Variants in PITPNC1 observed in about 807,000 individuals in gnomAD.
The protein encoded by PITPNC1 is phosphatidylinositol transfer protein cytoplasmic 1.
PITPNC1 carries 18 observed loss-of-function variants against 44.7 expected under a neutral mutation model. That is an observed-to-expected ratio of 0.40 (90% CI 0.28 to 0.60). The LOEUF (loss-of-function observed/expected upper bound fraction) is 0.60. Ranked by LOEUF, PITPNC1 falls within the 20% of genes least tolerant of loss-of-function variation. PITPNC1 has a pLI of 0.39. For missense variants in PITPNC1, 290 were observed against 418.4 expected (o/e 0.69, Z 2.68); for synonymous variants, 141 against 149.6 (o/e 0.94, Z 0.42).
intron 1 of PITPNC1, among the ~76,000 whole-genome samples, chr17:67,420,314 G>A (rs915265308): frequency 6.6e-6 from 1 of 151,514 alleles, no homozygotes; most frequent in African/African-American, 2.4e-5. Flanking sequence ...AATTCTTGGG[G>A]GTGTACAGAA....
At chr17:67,613,250 A>G (rs1029869117) in intron 5 of PITPNC1, 1 of 152,230 alleles carries the variant, frequency 6.6e-6, no homozygotes, top group African/African-American at 2.4e-5. Context: ...TTAAAGGACC[A>G]CAAAGGAAAA....
intron 1 of PITPNC1, among the ~76,000 whole-genome samples, chr17:67,440,374 TA>T (rs2038996038): frequency 6.6e-6 from 1 of 152,150 alleles, no homozygotes; most frequent in Admixed American, 6.5e-5. Context: ...CTAGTCCCTC[TA>T]AGCCTTCGTT....
rs531893282 is a variant in PITPNC1, at chr17:67,402,456, C to G, written c.48+24254C>G. Among the ~76,000 whole-genome samples the G allele has an allele frequency of 2.6e-4, 39 of 152,264 alleles. No individual in the cohort carries two copies. The South Asian group carries it at 8.1e-3, about 32-fold the overall frequency. The stretch of plus-strand genomic sequence containing the variant: ...AGAAGCCGCATCAAACTGCTGGCTG[C>G]TTCTGACAAGGTGGTCAGTTACACT... On this transcript the variant is annotated intron_variant, in intron 1 of 8. Coordinates refer to ENST00000581322, the MANE Select transcript of PITPNC1 (RefSeq NM_012417.4).
At chr17:67,463,968 C>T (rs890486751) in intron 1 of PITPNC1, among the ~76,000 whole-genome samples, 1 of 151,766 alleles carries the variant, frequency 6.6e-6, no homozygotes, top group Non-Finnish European at 1.5e-5. Context: ...CCAAGGTGGG[C>T]AGATCACTTG....
At chr17:67,469,308 C>T (rs7207177) in intron 1 of PITPNC1, among the ~76,000 whole-genome samples, 29,727 of 152,102 alleles carry the variant, frequency 0.2, 7,856 homozygotes, top group African/African-American at 0.6. Context: ...CCATCCTCCC[C>T]CTTCTCTGCA....
intron 1 of PITPNC1, among the ~76,000 whole-genome samples, chr17:67,516,446 A>T (rs550570032): frequency 6.6e-6 from 1 of 152,356 alleles, no homozygotes; most frequent in Admixed American, 6.5e-5. Context: ...TGTGAGGATT[A>T]AATAGTATAA....
chr17:67,503,917 T>C (rs949990227), intron 1 of PITPNC1, among the ~76,000 whole-genome samples: 1 of 152,230 alleles, frequency 6.6e-6, no homozygotes, highest in African/African-American at 2.4e-5. Context: ...CTTTGGCATT[T>C]CTGTCTTCCT....
intron 1 of PITPNC1, among the ~76,000 whole-genome samples, chr17:67,513,357 C>CTA (rs1555660323): frequency 2.7e-4 from 2 of 7,500 alleles, no homozygotes; most frequent in African/African-American, 4.3e-4. Flanking sequence ...GAGTCTGTAT[C>CTA]TATATCTATA....
chr17:67,475,060 G>A (rs1054571268), intron 1 of PITPNC1, among the ~76,000 whole-genome samples: 10 of 152,188 alleles, frequency 6.6e-5, no homozygotes, highest in Non-Finnish European at 1.0e-4. Flanking sequence ...CAACGTTGAC[G>A]CTATGGATGA....
At chr17:67,417,800 T>C (rs1405899773) in intron 1 of PITPNC1, among the ~76,000 whole-genome samples, 2 of 151,970 alleles carry the variant, frequency 1.3e-5, no homozygotes, top group African/African-American at 4.8e-5. Context: ...CCCAGCACTT[T>C]GGGAGGCTGA....
intron 6 of PITPNC1, among the ~76,000 whole-genome samples, chr17:67,640,448 G>A (rs1356811279): frequency 6.6e-6 from 1 of 152,100 alleles, no homozygotes; most frequent in Non-Finnish European, 1.5e-5. Context: ...GGGAGGCCGA[G>A]GCAGGCGGAT....
intron 7 of PITPNC1, among the ~76,000 whole-genome samples, chr17:67,671,476 T>G (rs994214638): frequency 1.3e-5 from 2 of 152,206 alleles, no homozygotes; most frequent in Non-Finnish European, 2.9e-5. Context: ...TTTTTGTTAC[T>G]TAGATGGATT....
chr17:67,408,703 T>A (rs2038439494), intron 1 of PITPNC1: 1 of 144,672 alleles, frequency 6.9e-6, no homozygotes, highest in African/African-American at 2.5e-5. Context: ...CCTTCCTTCC[T>A]TCCTTCCTTC....
intron 8 of PITPNC1, among the ~76,000 whole-genome samples, chr17:67,685,995 TA>T (rs1468277468): frequency 6.6e-6 from 1 of 151,784 alleles, no homozygotes; most frequent in Admixed American, 6.6e-5. Context: ...CATGCCCAGC[TA>T]ATTTTTGTAT....
At chr17:67,442,081 G>C (rs1212831517) in intron 1 of PITPNC1, among the ~76,000 whole-genome samples, 1 of 151,370 alleles carries the variant, frequency 6.6e-6, no homozygotes, top group Non-Finnish European at 1.5e-5. Context: ...GCTTGAATCT[G>C]GTTTCTCCTC....
chr17:67,555,106 GCAAATGT>G (rs1288214552), intron 4 of PITPNC1, among the ~76,000 whole-genome samples: 1 of 152,120 alleles, frequency 6.6e-6, no homozygotes, highest in Non-Finnish European at 1.5e-5. Context: ...ATGGCAAAAT[GCAAATGT>G]AAAATTTTAG....
At chr17:67,689,066 G>T (rs1001009208) in intron 8 of PITPNC1, among the ~76,000 whole-genome samples, 1 of 152,192 alleles carries the variant, frequency 6.6e-6, no homozygotes, top group Non-Finnish European at 1.5e-5. Context: ...GCTGGGCGTG[G>T]TGGCGCATGC....
At position 67,694,093 on chromosome 17, in the gene PITPNC1, C is replaced by T. The variant is rs1389578958; in HGVS notation, c.*1205C>T. On this transcript the variant is annotated 3_prime_UTR_variant, in exon 9 of 9. Coordinates refer to ENST00000581322, the MANE Select transcript of PITPNC1 (RefSeq NM_012417.4). ...ATAGATGCCCTTCTGTCTAGCTTTCCTTTCTTCAACTAGTGGTAATGCAAG... is the reference window on the plus strand; with the variant it reads ...ATAGATGCCCTTCTGTCTAGCTTTCTTTTCTTCAACTAGTGGTAATGCAAG... 1.3e-5 allele frequency: 2 copies of T among 152,214 alleles called. No homozygotes were observed. Among genetic ancestry groups the T allele is most frequent in the Admixed American group, 1.3e-4 (2 of 15,276 alleles). The allele number at this position is 152,214 out of a possible 1,614,324, so 9.4% of individuals were successfully genotyped here.
At chr17:67,449,726 A>T (rs1031907113) in intron 1 of PITPNC1, among the ~76,000 whole-genome samples, 1 of 152,260 alleles carries the variant, frequency 6.6e-6, no homozygotes, top group Non-Finnish European at 1.5e-5. Context: ...ATATACAGCT[A>T]GCTGTCCAAA....
Sources: gnomAD v4.1 joint callset for allele counts (sites outside exome capture counted in the v4.1 genomes callset) on GRCh38, gnomAD v4.1.1 for gene constraint, MANE v1.5 for transcripts, NCBI Gene and HGNC (gene_info 2026-07-23, HGNC 2026-07-21) for gene names.